XKR9: variants seen among roughly 807,000 people sequenced by gnomAD.
XKR9 encodes the protein XK related 9.
In XKR9, 32 loss-of-function variants were observed where a neutral mutation model predicts 32.0. The observed-to-expected ratio is 1.00, with a 90% CI of 0.76 to 1.34. The LOEUF is 1.34. Ranked by LOEUF, XKR9 falls within the 40% of genes most tolerant of loss-of-function variation. The pLI is 0.00. For missense variants in XKR9, 546 were observed against 429.7 expected, an observed-to-expected ratio of 1.27 and a Z score of -2.39; for synonymous variants, 168 against 143.4, an observed-to-expected ratio of 1.17 and a Z score of -1.22.
intron 2 of XKR9, among the ~76,000 whole-genome samples, chr8:70,787,777 T>C (rs370603872): frequency 2.0e-5 from 3 of 152,226 alleles, no homozygotes; most frequent in African/African-American, 4.8e-5. Context: ...ATCTACATGA[T>C]ACATTTTGAC....
chr8:70,830,763 A>G, the XKR9 span, among the ~76,000 whole-genome samples: 5 of 152,210 alleles, frequency 3.3e-5, no homozygotes, highest in African/African-American at 1.2e-4. Context: ...TTCATGTCTC[A>G]CAACTACCTT....
At chr8:70,672,240 A>G (rs1818738616) in intron 1 of XKR9, among the ~76,000 whole-genome samples, 1 of 77,886 alleles carries the variant, frequency 1.3e-5, no homozygotes, top group Admixed American at 1.3e-4. Flanking sequence ...ATATGGAACC[A>G]AAAAAGAGCC....
At chr8:70,822,426 A>G in the XKR9 span, among the ~76,000 whole-genome samples, 1 of 152,042 alleles carries the variant, frequency 6.6e-6, no homozygotes, top group East Asian at 1.9e-4. Flanking sequence ...TGTGAGTAAT[A>G]CATGTGGTCA....
intron 1 of XKR9, among the ~76,000 whole-genome samples, chr8:70,670,155 G>A (rs1052093588): frequency 2.0e-5 from 3 of 152,194 alleles, no homozygotes; most frequent in Non-Finnish European, 4.4e-5. Context: ...CAGAGTCTGC[G>A]TGTGCGGCCT....
intron 2 of XKR9, among the ~76,000 whole-genome samples, chr8:70,748,605 T>G (rs6998024): frequency 2.0e-5 from 3 of 152,112 alleles, no homozygotes; most frequent in Admixed American, 1.3e-4. Context: ...CCCCTTGGCA[T>G]GAGGAGCCTG....
chr8:70,994,033 C>T, the XKR9 span, among the ~76,000 whole-genome samples: 1 of 152,152 alleles, frequency 6.6e-6, no homozygotes, highest in African/African-American at 2.4e-5. Flanking sequence ...CTGGCCCTCA[C>T]CAAATCTGGC....
the XKR9 span, among the ~76,000 whole-genome samples, chr8:70,916,309 G>T: frequency 1.3e-5 from 2 of 152,086 alleles, no homozygotes; most frequent in African/African-American, 4.8e-5. Context: ...ATTTATCTTT[G>T]TCCGTTGATT....
chr8:71,055,556 T>C, the XKR9 span, among the ~76,000 whole-genome samples: 1 of 152,178 alleles, frequency 6.6e-6, no homozygotes, highest in Non-Finnish European at 1.5e-5. Flanking sequence ...CAGAACCCTC[T>C]TTGATGTTCT....
chr8:70,953,963 CTTGGCTGGAGGCCA>C, the XKR9 span, among the ~76,000 whole-genome samples: 1 of 152,208 alleles, frequency 6.6e-6, no homozygotes, highest in East Asian at 1.9e-4. Context: ...TGAAGGAGAG[CTTGGCTGGAGGCCA>C]TTCTTTAGGG....
chr8:70,774,273 A>C (rs1807490141), intron 2 of XKR9, among the ~76,000 whole-genome samples: 1 of 152,146 alleles, frequency 6.6e-6, no homozygotes, highest in East Asian at 1.9e-4. Context: ...AAGTGATATA[A>C]TTCATTCAAA....
At chr8:71,025,116 A>T in the XKR9 span, among the ~76,000 whole-genome samples, 1 of 146,410 alleles carries the variant, frequency 6.8e-6, no homozygotes, top group South Asian at 2.1e-4. Context: ...GAGCATAGAG[A>T]CCTTAAACAA....
chr8:70,850,675 A>T, the XKR9 span, among the ~76,000 whole-genome samples: 1 of 152,160 alleles, frequency 6.6e-6, no homozygotes, highest in Non-Finnish European at 1.5e-5. Flanking sequence ...AAACAGAATC[A>T]ATGACAAAAC....
At chr8:70,808,936 T>G in the XKR9 span, among the ~76,000 whole-genome samples, 1 of 152,184 alleles carries the variant, frequency 6.6e-6, no homozygotes, top group African/African-American at 2.4e-5. Context: ...CTGACAGCTT[T>G]GAAGAGAGTA....
the XKR9 span, among the ~76,000 whole-genome samples, chr8:70,990,011 G>T: frequency 6.6e-6 from 1 of 152,158 alleles, no homozygotes; most frequent in Non-Finnish European, 1.5e-5. Context: ...GCATGTATCA[G>T]AACTTCATGG....
chr8:70,740,487 C>G (rs1035787666), downstream of XKR9, among the ~76,000 whole-genome samples: 51 of 151,720 alleles, frequency 3.4e-4, no homozygotes, highest in African/African-American at 1.2e-3. Flanking sequence ...CATTCTCTGT[C>G]CAGCTTTGTT....
the XKR9 span, among the ~76,000 whole-genome samples, chr8:70,813,735 G>A: frequency 1.8e-4 from 27 of 152,138 alleles, no homozygotes; most frequent in South Asian, 2.1e-4. Flanking sequence ...AATCAAAACC[G>A]CAATGAGATA....
Position 70,680,121 on chromosome 8 carries a change from C to T in XKR9, c.-278-660C>T, listed in dbSNP as rs529420491. Among the ~76,000 whole-genome samples the T allele has an allele frequency of 3.9e-5, 6 of 152,162 alleles. No homozygotes were observed. In the South Asian group the frequency reaches 1.2e-3, roughly 32 times the overall value. On this transcript the variant is annotated intron_variant, in intron 2 of 4. Coordinates refer to ENST00000408926, the MANE Select transcript of XKR9 (RefSeq NM_001011720.2). ...ATAATTAAAAACCATAAATAGTATACAGTATTTATCTTTCTGGGATTTGCT... is the reference window on the plus strand; with the variant it reads ...ATAATTAAAAACCATAAATAGTATATAGTATTTATCTTTCTGGGATTTGCT...
chr8:70,821,135 C>A, the XKR9 span, among the ~76,000 whole-genome samples: 24 of 152,290 alleles, frequency 1.6e-4, no homozygotes, highest in South Asian at 5.0e-3. Flanking sequence ...GGTAAATATA[C>A]CCATTACAAA....
At chr8:70,812,427 G>A in the XKR9 span, among the ~76,000 whole-genome samples, 2 of 152,144 alleles carry the variant, frequency 1.3e-5, no homozygotes, top group African/African-American at 4.8e-5. Flanking sequence ...ACGTAGTGTT[G>A]GAAGTTCTGG....
Sources: gnomAD v4.1 joint callset for allele counts (sites outside exome capture counted in the v4.1 genomes callset) on GRCh38, gnomAD v4.1.1 for gene constraint, MANE v1.5 for transcripts, NCBI Gene and HGNC (gene_info 2026-07-23, HGNC 2026-07-21) for gene names.